DNAAF9: variants seen among roughly 807,000 people sequenced by gnomAD.
The protein encoded by DNAAF9 is dynein axonemal assembly factor 9.
In DNAAF9, 90 loss-of-function variants were observed where a neutral mutation model predicts 167.0. That is an observed-to-expected ratio of 0.54 (90% CI 0.45 to 0.64). DNAAF9 has a LOEUF of 0.64. DNAAF9 is among the 30% of genes least tolerant of loss of function. The probability of loss-of-function intolerance (pLI) is 0.00; values close to 1 mark genes in which losing one functional copy is unlikely to be tolerated. For missense variants in DNAAF9, 1,315 were observed against 1,442.2 expected (o/e 0.91, Z 1.43); for synonymous variants, 491 against 508.8 (o/e 0.96, Z 0.47).
At chr20:3,381,284 T>C in intron 3 of DNAAF9, 95 bp downstream of exon 3, 1 of 1,073,626 alleles carries the variant, frequency 9.3e-7, no homozygotes, top group Non-Finnish European at 1.3e-6. Context: ...TTGGACTATT[T>C]TAAATTTTAT....
intron 6 of DNAAF9, among the ~76,000 whole-genome samples, chr20:3,365,966 G>A (rs1292475692): frequency 3.3e-5 from 5 of 152,130 alleles, no homozygotes; most frequent in Non-Finnish European, 7.3e-5. Context: ...AATTCTAGTT[G>A]TCTTGCTATT....
At position 3,375,088 on chromosome 20, in the gene DNAAF9, G is replaced by A; in HGVS notation, c.447C>T (p.Thr149=). 1 of 1,611,928 alleles carries A rather than the reference G, an allele frequency of 6.2e-7. No individual in the cohort carries two copies. Among genetic ancestry groups the A allele is most frequent in the Middle Eastern group, 1.7e-4 (1 of 6,060 alleles). ...DEEAAEEFKI[T]SFVDMVRDCS... is the part of the protein sequence containing the mutation. ...AGTCTCGAACCATGTCCACAAAGCT[G>A]GTAATTTTAAATTCTTCTGCGGCTT... The change falls in exon 5 of 37, where the codon ACC becomes ACT. Residue 149 remains threonine (T), a synonymous_variant. Coordinates refer to ENST00000252032, the MANE Select transcript of DNAAF9 (RefSeq NM_001009984.3).
chr20:3,389,807 G>A (rs1022051541), intron 1 of DNAAF9, among the ~76,000 whole-genome samples: 33 of 152,252 alleles, frequency 2.2e-4, no homozygotes, highest in African/African-American at 7.2e-4. Flanking sequence ...AGGCCAAGGC[G>A]GGAGGATTGC....
intron 16 of DNAAF9, among the ~76,000 whole-genome samples, chr20:3,320,703 T>C (rs2069599044): frequency 1.3e-5 from 2 of 152,162 alleles, no homozygotes; most frequent in Non-Finnish European, 2.9e-5. Flanking sequence ...ATTACAACCT[T>C]AAAAAAATTA....
intron 29 of DNAAF9, among the ~76,000 whole-genome samples, chr20:3,271,896 G>A (rs1235333100): frequency 6.6e-6 from 1 of 152,072 alleles, no homozygotes; most frequent in African/African-American, 2.4e-5. Context: ...TGGGATTACA[G>A]GTGTGAGCCA....
Position 3,256,055 on chromosome 20 carries a change from G to T in DNAAF9, c.3212C>A (p.Ser1071Tyr), listed in dbSNP as rs200104613. Reference sequence around the variant, plus strand: ...GTCCTTGATGCTGTCTTCCTTCAGGGAGCAGCCGATGAACACAAGGTAGCA... The same window carrying T: ...GTCCTTGATGCTGTCTTCCTTCAGGTAGCAGCCGATGAACACAAGGTAGCA... ...QECYLVFIGCSLKEDSIKDWL... is the reference protein window; with the variant it reads ...QECYLVFIGCYLKEDSIKDWL... The change falls in exon 34 of 37, where the codon TCC (serine) becomes TAC (tyrosine). Residue 1071 changes from serine to tyrosine, a missense_variant. Ser to Tyr is a moderately radical substitution (Grantham distance 144, BLOSUM62 -2). Coordinates refer to ENST00000252032, the MANE Select transcript of DNAAF9 (RefSeq NM_001009984.3). The T allele has an allele frequency of 6.2e-7, 1 of 1,613,826 alleles. No homozygotes were observed. The highest frequency in any genetic ancestry group is 8.5e-7 in the Non-Finnish European group (1 of 1,179,998).
chr20:3,256,900 T>C (rs1355338215), intron 33 of DNAAF9, among the ~76,000 whole-genome samples: 1 of 152,108 alleles, frequency 6.6e-6, no homozygotes, highest in Admixed American at 6.6e-5. Flanking sequence ...GGTGTGATGG[T>C]ATGTTCCTGT....
At position 3,294,252 on chromosome 20, in the gene DNAAF9, G is replaced by C. The variant is rs755081352; in HGVS notation, c.2125C>G (p.Leu709Val). The C allele has an allele frequency of 1.2e-6, 2 of 1,601,858 alleles. No individual in the cohort carries two copies. Among genetic ancestry groups the C allele is most frequent in the Admixed American group, 1.7e-5 (1 of 59,998 alleles). Reference sequence around the variant, plus strand: ...ATGCTGCTGATGGCGAAATGCTGGAGAAACCTAAAAACACAAAGACAATGC... The same window carrying C: ...ATGCTGCTGATGGCGAAATGCTGGACAAACCTAAAAACACAAAGACAATGC... Reference protein sequence around the residue: ...SAKLPELDWFLQHFAISSISQ... With the variant: ...SAKLPELDWFVQHFAISSISQ... Residue 709 changes from leucine to valine, a missense_variant, in exon 25 of 37, where the codon CTC becomes GTC. Around this residue, in one of 2 missense-constraint regions of DNAAF9, gnomAD observed 981 missense variants for 1,012.5 expected, o/e 0.97. Transcript: ENST00000252032.
chr20:3,271,221 T>C, intron 29 of DNAAF9, among the ~76,000 whole-genome samples: 1 of 152,166 alleles, frequency 6.6e-6, no homozygotes, highest in East Asian at 1.9e-4. Flanking sequence ...GCCATTTACC[T>C]TCACCAGTTC....
At chr20:3,390,458 T>C (rs1217728753) in intron 1 of DNAAF9, among the ~76,000 whole-genome samples, 1 of 151,794 alleles carries the variant, frequency 6.6e-6, no homozygotes, top group Non-Finnish European at 1.5e-5. Flanking sequence ...CTCTACCTCC[T>C]GCGTTCAAGT....
chr20:3,290,753 C>T (rs545298591), intron 25 of DNAAF9, among the ~76,000 whole-genome samples: 36 of 150,804 alleles, frequency 2.4e-4, no homozygotes, highest in Non-Finnish European at 4.0e-4. Flanking sequence ...GCCTGGTTGC[C>T]TGTGCCCTCC....
intron 1 of DNAAF9, among the ~76,000 whole-genome samples, chr20:3,389,760 G>C (rs2083800025): frequency 6.6e-6 from 1 of 152,112 alleles, no homozygotes; most frequent in South Asian, 2.1e-4. Flanking sequence ...AACAGGCCAG[G>C]CATGGTGGCT....
chr20:3,350,739 T>C (rs1159126838), intron 7 of DNAAF9, among the ~76,000 whole-genome samples: 1 of 152,146 alleles, frequency 6.6e-6, no homozygotes, highest in Non-Finnish European at 1.5e-5. Flanking sequence ...TAGTATTCTG[T>C]TAAAATAAGA....
chr20:3,324,364 T>G (rs185168743), intron 14 of DNAAF9, among the ~76,000 whole-genome samples: 47 of 152,126 alleles, frequency 3.1e-4, no homozygotes, highest in Non-Finnish European at 1.5e-5. Flanking sequence ...AGTGGTTAAG[T>G]GGACTGGGTT....
intron 16 of DNAAF9, among the ~76,000 whole-genome samples, chr20:3,320,368 G>A (rs974980316): frequency 6.6e-6 from 1 of 152,202 alleles, no homozygotes; most frequent in Non-Finnish European, 1.5e-5. Flanking sequence ...CTCTGGATAA[G>A]AGGACAGAAT....
At chr20:3,289,413 C>G (rs115286340) in intron 26 of DNAAF9, among the ~76,000 whole-genome samples, 8 of 152,016 alleles carry the variant, frequency 5.3e-5, no homozygotes, top group Admixed American at 3.9e-4. Flanking sequence ...CCACTGTACG[C>G]GAGTTTGGGT....
At chr20:3,264,361 C>CA in intron 31 of DNAAF9, 77 bp downstream of exon 31, 1 of 596,370 alleles carries the variant, frequency 1.7e-6, no homozygotes, top group Non-Finnish European at 3.0e-6. Context: ...CACCTTCTCT[C>CA]TTTTTTTTTT....
intron 1 of DNAAF9, among the ~76,000 whole-genome samples, chr20:3,387,616 C>A (rs1229636643): frequency 6.6e-6 from 1 of 151,894 alleles, no homozygotes; most frequent in East Asian, 1.9e-4. Context: ...AAAGCCCAGA[C>A]AACAAATAAA....
chr20:3,257,472 A>T (rs1259860303), intron 33 of DNAAF9, among the ~76,000 whole-genome samples: 6 of 152,174 alleles, frequency 3.9e-5, no homozygotes, highest in African/African-American at 1.4e-4. Context: ...AGATCAAACC[A>T]CTATACTCTG....
Sources: allele counts gnomAD v4.1 joint callset (sites outside exome capture counted in the v4.1 genomes callset), GRCh38; gene constraint gnomAD v4.1.1; regional missense constraint gnomAD v4.1.1; transcripts MANE v1.5; gene names NCBI Gene and HGNC (gene_info 2026-07-23, HGNC 2026-07-21).